LPIN1: variants seen among roughly 807,000 people sequenced by gnomAD.
LPIN1 encodes lipin 1, also known as phosphatidate phosphatase LPIN1.
A neutral mutation model predicts 107.5 loss-of-function variants in LPIN1; 71 were observed. That is an observed-to-expected ratio of 0.66 (90% CI 0.55 to 0.80). The LOEUF (loss-of-function observed/expected upper bound fraction) is 0.80. Ranked by LOEUF, LPIN1 falls within the 30% of genes least tolerant of loss-of-function variation. The pLI is 0.00. For synonymous variants in LPIN1, 445 were observed against 452.6 expected (o/e 0.98, Z 0.21); for missense variants, 1,043 against 1,160.6 (o/e 0.90, Z 1.47).
chr2:11,698,403 C>T (rs952997674), intron 1 of LPIN1, among the ~76,000 whole-genome samples: 2 of 152,188 alleles, frequency 1.3e-5, no homozygotes, highest in African/African-American at 2.4e-5. Context: ...CCACGTCCTA[C>T]GCCTCTTCCG....
At chr2:11,733,494 T>G (rs1276186519) in intron 1 of LPIN1, among the ~76,000 whole-genome samples, 1 of 150,112 alleles carries the variant, frequency 6.7e-6, no homozygotes, top group Non-Finnish European at 1.5e-5. Flanking sequence ...TCTCTCTCTC[T>G]CTCTCTTTTT....
Position 11,784,878 on chromosome 2 carries a change from C to T in LPIN1, c.1359-8C>T. 1 of 1,613,782 alleles carries T rather than the reference C, an allele frequency of 6.2e-7. No homozygotes were observed. The highest frequency in any genetic ancestry group is 8.5e-7 in the Non-Finnish European group (1 of 1,179,902). On this transcript the variant is annotated splice_polypyrimidine_tract_variant and splice_region_variant and intron_variant, in intron 9 of 20. Coordinates refer to ENST00000674199, the MANE Select transcript of LPIN1 (RefSeq NM_001349206.2). ...TCAGCCGGTCTCTGCCGCTTTTCCTCCTTCCAGCGGAGATCCTTCCGGACT... is the reference window on the plus strand; with the variant it reads ...TCAGCCGGTCTCTGCCGCTTTTCCTTCTTCCAGCGGAGATCCTTCCGGACT...
At chr2:11,804,612 C>G (rs1339318950) in intron 16 of LPIN1, 41 bp downstream of exon 16, 51 of 1,599,358 alleles carry the variant, frequency 3.2e-5, no homozygotes, top group Non-Finnish European at 4.3e-5. Flanking sequence ...GATTTCTTTG[C>G]TTCACCGTGG....
At chr2:11,782,668 C>T (rs943775248) in intron 8 of LPIN1, among the ~76,000 whole-genome samples, 161 bp downstream of exon 8, 5 of 152,126 alleles carry the variant, frequency 3.3e-5, no homozygotes, top group Non-Finnish European at 5.9e-5. Context: ...TATTAATTAT[C>T]GGAATTTAGT....
chr2:11,745,226 T>G (rs1450032358), upstream of LPIN1: 1 of 152,318 alleles, frequency 6.6e-6, no homozygotes, highest in African/African-American at 2.4e-5. Flanking sequence ...CTGTGGGTTT[T>G]GCCTCCAAAT....
In LPIN1 at chr2:11,697,799, AC is replaced by A. The variant is rs970580850; in HGVS notation, c.82-15952del. ...GGCCTTGTGTCCTTCCCCATTTACA[AC>A]CCCCTCCTCCCCATCTCACCAGGCC... On this transcript the variant is annotated intron_variant, in intron 1 of 21. Coordinates refer to the LPIN1 transcript ENST00000449576. The surrounding 1 kb of genome is among the most constrained non-coding windows in gnomAD (Gnocchi z 4.6). Among the ~76,000 whole-genome samples the A allele has an allele frequency of 1.2e-4, 18 of 150,912 alleles. No homozygotes were observed. The highest frequency in any genetic ancestry group is 2.4e-4 in the Non-Finnish European group (16 of 67,672).
chr2:11,750,773 C>T (rs1399326048), intron 1 of LPIN1, among the ~76,000 whole-genome samples: 1 of 149,218 alleles, frequency 6.7e-6, no homozygotes, highest in Non-Finnish European at 1.5e-5. Flanking sequence ...CCAGAGCCTG[C>T]GCTCTTACCT....
At chr2:11,749,686 G>T (rs993811268) in intron 1 of LPIN1, among the ~76,000 whole-genome samples, 4 of 152,204 alleles carry the variant, frequency 2.6e-5, no homozygotes, top group African/African-American at 9.6e-5. Flanking sequence ...CCCACAGGCT[G>T]TTCTGCACAC....
At chr2:11,677,821 C>T in intron 1 of LPIN1, 3 of 1,111,424 alleles carry the variant, frequency 2.7e-6, no homozygotes, top group South Asian at 1.4e-5. Flanking sequence ...ACCCGGGGAA[C>T]ATTTGCGCCC....
At chr2:11,779,417 T>G (rs1377392192) in intron 6 of LPIN1, 102 bp from the exon 7 acceptor site, 4 of 1,241,396 alleles carry the variant, frequency 3.2e-6, no homozygotes, top group Non-Finnish European at 4.7e-6. Context: ...GAACGACAGC[T>G]GGGGGTGCAT....
chr2:11,739,651 A>G (rs1485226362), intron 1 of LPIN1, among the ~76,000 whole-genome samples: 1 of 152,236 alleles, frequency 6.6e-6, no homozygotes, highest in Non-Finnish European at 1.5e-5. Context: ...ACAAAGCACA[A>G]CACTGTTTAA....
intron 12 of LPIN1, among the ~76,000 whole-genome samples, chr2:11,790,497 A>G (rs887066377): frequency 3.3e-5 from 5 of 152,238 alleles, no homozygotes; most frequent in Non-Finnish European, 2.9e-5. Flanking sequence ...AATGACTGTG[A>G]ACGGCTTCGA....
intron 2 of LPIN1, among the ~76,000 whole-genome samples, chr2:11,767,206 T>G (rs1401251766): frequency 2.0e-5 from 3 of 152,174 alleles, no homozygotes; most frequent in Non-Finnish European, 4.4e-5. Flanking sequence ...GATTGGTCCT[T>G]TGAGTTAAGT....
At chr2:11,815,563 G>C (rs1384263669) in intron 18 of LPIN1, among the ~76,000 whole-genome samples, 1 of 151,894 alleles carries the variant, frequency 6.6e-6, no homozygotes, top group Non-Finnish European at 1.5e-5. Context: ...TGGAGCCTTT[G>C]CACATGCTGT....
intron 1 of LPIN1, chr2:11,764,101 T>TACACACACACAC (rs1489154625): frequency 8.2e-6 from 1 of 121,268 alleles, no homozygotes; most frequent in African/African-American, 3.5e-5. Context: ...TATATATATA[T>TACACACACACAC]ATACACACAC....
chr2:11,711,001 A>C (rs1200573665), intron 1 of LPIN1, among the ~76,000 whole-genome samples: 1 of 152,222 alleles, frequency 6.6e-6, no homozygotes, highest in Non-Finnish European at 1.5e-5. Flanking sequence ...TGGGGGTCAG[A>C]GATATTGCTC....
chr2:11,790,269 A>T (rs1412468724), intron 12 of LPIN1, among the ~76,000 whole-genome samples: 1 of 152,238 alleles, frequency 6.6e-6, no homozygotes, highest in Non-Finnish European at 1.5e-5. Context: ...ATGATCTCAT[A>T]TGATGAGGAT....
intron 2 of LPIN1, among the ~76,000 whole-genome samples, chr2:11,716,649 C>T (rs1328064626): frequency 2.6e-5 from 4 of 152,002 alleles, no homozygotes; most frequent in South Asian, 2.1e-4. Flanking sequence ...CCTGTGGACT[C>T]GTGAGTGCAG....
At chr2:11,773,832 A>G in intron 5 of LPIN1, 87 bp downstream of exon 5, 1 of 1,491,952 alleles carries the variant, frequency 6.7e-7, no homozygotes, top group Non-Finnish European at 9.3e-7. Context: ...TGAAATAGAA[A>G]TGAAAAGTGA....
Sources: gnomAD v4.1 joint callset for allele counts (sites outside exome capture counted in the v4.1 genomes callset) on GRCh38, gnomAD v4.1.1 for gene constraint, Gnocchi (gnomAD v3.1) non-coding constraint, MANE v1.5 for transcripts, NCBI Gene and HGNC (gene_info 2026-07-23, HGNC 2026-07-21) for gene names.